WWOX: variants seen among roughly 807,000 people sequenced by gnomAD.
WWOX encodes the protein WW domain containing oxidoreductase.
In WWOX, 69 loss-of-function variants were observed where a neutral mutation model predicts 46.2. The ratio of observed to expected loss-of-function variants is 1.49; its 90% CI spans 1.23 to 1.82. WWOX has a LOEUF of 1.82. Ranked by LOEUF, WWOX falls within the 40% of genes most tolerant of loss-of-function variation. The probability of loss-of-function intolerance (pLI) is 0.00; values close to 1 mark genes in which losing one functional copy is unlikely to be tolerated. For missense variants in WWOX, 919 were observed against 542.6 expected (o/e 1.69, Z -6.89); for synonymous variants, 359 against 202.6 (o/e 1.77, Z -6.56).
chr16:78,806,069 G>A (rs1597643664), intron 8 of WWOX, among the ~76,000 whole-genome samples: 1 of 152,240 alleles, frequency 6.6e-6, no homozygotes, highest in Non-Finnish European at 1.5e-5. Context: ...AGCAGTCAAA[G>A]CAATAAATAT....
intron 5 of WWOX, among the ~76,000 whole-genome samples, chr16:78,330,752 A>G (rs971979867): frequency 2.0e-5 from 3 of 152,246 alleles, no homozygotes; most frequent in Non-Finnish European, 4.4e-5. Context: ...ATGTCAGTGA[A>G]GTTTAAATAT....
intron 8 of WWOX, among the ~76,000 whole-genome samples, chr16:79,023,943 G>T (rs983363470): frequency 1.5e-5 from 2 of 136,530 alleles, no homozygotes; most frequent in African/African-American, 5.8e-5. Context: ...ATGACAGCAA[G>T]ACTCCATCTC....
intron 8 of WWOX, among the ~76,000 whole-genome samples, chr16:78,632,668 C>T (rs924946094): frequency 2.1e-5 from 3 of 145,720 alleles, no homozygotes; most frequent in East Asian, 2.1e-4. Context: ...AAGGGATTCT[C>T]CTGCCTCAGC....
chr16:78,748,880 A>G (rs2049412233), intron 8 of WWOX, among the ~76,000 whole-genome samples: 1 of 152,194 alleles, frequency 6.6e-6, no homozygotes, highest in Non-Finnish European at 1.5e-5. Context: ...AGGGGAGGTG[A>G]ATTGATTTGC....
intron 8 of WWOX, among the ~76,000 whole-genome samples, chr16:79,032,763 A>T (rs1430919756): frequency 2.0e-5 from 3 of 151,474 alleles, no homozygotes; most frequent in Non-Finnish European, 4.4e-5. Context: ...TTCTTTTTTT[A>T]AAAAATTTAT....
At chr16:78,139,080 C>T (rs766344655) in intron 4 of WWOX, among the ~76,000 whole-genome samples, 1 of 152,034 alleles carries the variant, frequency 6.6e-6, no homozygotes, top group Non-Finnish European at 1.5e-5. Flanking sequence ...GGCGCATAGA[C>T]AGGCTAAAGG....
chr16:78,548,245 A>G (rs1308787047), intron 8 of WWOX, among the ~76,000 whole-genome samples: 3 of 151,490 alleles, frequency 2.0e-5, no homozygotes, highest in African/African-American at 7.3e-5. Flanking sequence ...TTGAGCTAAG[A>G]CTCTGCTGTT....
rs59301717 is a variant in WWOX, at chr16:79,075,970, G to C, written c.1057-135638G>C. 3.4e-3 allele frequency among the ~76,000 whole-genome samples: 523 copies of C among 152,242 alleles called. 3 individuals carry two copies. The highest frequency in any genetic ancestry group is 0.012 in the African/African-American group (482 of 41,546). On this transcript the variant is annotated intron_variant, in intron 8 of 8. Transcript: ENST00000566780. Reference sequence around the variant, plus strand: ...CGTTGGATCATGTGTGGAGTCCCCAGTTTTCAACATTAAAAATAAAGTATT... The same window carrying C: ...CGTTGGATCATGTGTGGAGTCCCCACTTTTCAACATTAAAAATAAAGTATT...
chr16:78,649,882 C>A (rs1340292913), intron 8 of WWOX, among the ~76,000 whole-genome samples: 1 of 152,304 alleles, frequency 6.6e-6, no homozygotes. Context: ...GTATAAGGCA[C>A]AGTAGTGGAA....
chr16:78,432,251 G>A (rs146526808), intron 7 of WWOX, among the ~76,000 whole-genome samples: 1 of 151,936 alleles, frequency 6.6e-6, no homozygotes, highest in African/African-American at 2.4e-5. Flanking sequence ...CCGTGTACAG[G>A]CATGCCACCA....
intron 8 of WWOX, among the ~76,000 whole-genome samples, chr16:78,595,948 C>T (rs1315006782): frequency 1.3e-5 from 2 of 152,066 alleles, no homozygotes; most frequent in African/African-American, 4.8e-5. Flanking sequence ...AACCTGAACT[C>T]AGGAGAGTGG....
At chr16:78,754,047 C>G (rs1021512567) in intron 8 of WWOX, among the ~76,000 whole-genome samples, 5 of 151,526 alleles carry the variant, frequency 3.3e-5, no homozygotes, top group East Asian at 3.9e-4. Context: ...TGTAATTACT[C>G]TCATAATTTT....
chr16:78,708,458 C>G (rs1176689544), intron 8 of WWOX, among the ~76,000 whole-genome samples: 1 of 152,140 alleles, frequency 6.6e-6, no homozygotes, highest in Non-Finnish European at 1.5e-5. Flanking sequence ...TATCTTTCCT[C>G]CTGTGATTCT....
chr16:78,792,457 A>G (rs2737303), intron 8 of WWOX, among the ~76,000 whole-genome samples: 122,237 of 152,130 alleles, frequency 0.8, 51,021 homozygotes, highest in Non-Finnish European at 0.91. Flanking sequence ...ATATGGTCGT[A>G]CTCCAGGGTG....
At chr16:79,133,474 A>G (rs2049922431) in intron 8 of WWOX, among the ~76,000 whole-genome samples, 1 of 152,250 alleles carries the variant, frequency 6.6e-6, no homozygotes, top group African/African-American at 2.4e-5. Flanking sequence ...ACGGTCTCTA[A>G]CAGTAAAGTA....
intron 5 of WWOX, among the ~76,000 whole-genome samples, chr16:78,264,083 A>G: frequency 7.4e-6 from 1 of 135,062 alleles, no homozygotes; most frequent in South Asian, 2.4e-4. Context: ...CACCTGCCCT[A>G]AGTGTATCTG....
chr16:78,918,098 A>T (rs1295938397), intron 8 of WWOX, among the ~76,000 whole-genome samples: 1 of 151,918 alleles, frequency 6.6e-6, no homozygotes, highest in East Asian at 2.0e-4. Flanking sequence ...GCTACTCAGG[A>T]GGCTGAGGTG....
intron 8 of WWOX, among the ~76,000 whole-genome samples, chr16:78,907,071 G>T (rs947196472): frequency 6.6e-6 from 1 of 152,212 alleles, no homozygotes; most frequent in African/African-American, 2.4e-5. Flanking sequence ...CTAAACGGGA[G>T]ACTGGAGCTT....
At chr16:78,330,131 C>G (rs1483205195) in intron 5 of WWOX, among the ~76,000 whole-genome samples, 1 of 152,064 alleles carries the variant, frequency 6.6e-6, no homozygotes, top group South Asian at 2.1e-4. Flanking sequence ...ACCTAAATGC[C>G]TAAACGTTTG....
Sources: allele counts gnomAD v4.1 joint callset (sites outside exome capture counted in the v4.1 genomes callset), GRCh38; gene constraint gnomAD v4.1.1; transcripts MANE v1.5; gene names NCBI Gene and HGNC (gene_info 2026-07-23, HGNC 2026-07-21).